Variants in MGA observed in about 807,000 individuals in gnomAD.
The protein encoded by MGA is MAX gene-associated protein.
Under a neutral mutation model 261.1 loss-of-function variants are expected in MGA, and 40 were observed. That is an observed-to-expected ratio of 0.15 (90% CI 0.12 to 0.20). The LOEUF is 0.20. MGA is among the 10% of genes least tolerant of loss of function. The pLI, the probability that MGA is intolerant of heterozygous loss-of-function variation, is 1.00. For missense variants in MGA, 3,397 were observed against 3,630.5 expected (o/e 0.94, Z 1.65); for synonymous variants, 1,302 against 1,290.6 (o/e 1.01, Z -0.19).
intron 17 of MGA, chr15:41,751,390 C>G: frequency 6.6e-6 from 1 of 152,086 alleles, no homozygotes; most frequent in East Asian, 1.9e-4. Context: ...GACTAATTGA[C>G]TGCTGTTGTA....
At chr15:41,720,700 G>A (rs549948033) in intron 9 of MGA, among the ~76,000 whole-genome samples, 1 of 152,104 alleles carries the variant, frequency 6.6e-6, no homozygotes, top group Non-Finnish European at 1.5e-5. Flanking sequence ...GGGCATGGTG[G>A]TGTGCGCCTG....
chr15:41,738,704 A>T (rs1376403729), intron 13 of MGA, among the ~76,000 whole-genome samples: 1 of 152,182 alleles, frequency 6.6e-6, no homozygotes, highest in East Asian at 1.9e-4. Flanking sequence ...AAACTTTGTA[A>T]ACTTTGGGGA....
At chr15:41,667,904 A>T (rs944536371) in intron 1 of MGA, among the ~76,000 whole-genome samples, 1 of 152,076 alleles carries the variant, frequency 6.6e-6, no homozygotes, top group South Asian at 2.1e-4. Flanking sequence ...CCTAGGATCA[A>T]GTGATTCTCA....
chr15:41,730,687 A>G (rs1476231788), intron 11 of MGA, among the ~76,000 whole-genome samples: 3 of 152,222 alleles, frequency 2.0e-5, no homozygotes, highest in African/African-American at 4.8e-5. Flanking sequence ...TGTGCACACA[A>G]TAAAGACAAA....
At chr15:41,641,114 C>T (rs1287538189) in intron 1 of MGA, among the ~76,000 whole-genome samples, 2 of 152,152 alleles carry the variant, frequency 1.3e-5, no homozygotes, top group Non-Finnish European at 2.9e-5. Context: ...TGTGATCAGA[C>T]TCTTTAGCAT....
chr15:41,684,463 A>AT, intron 2 of MGA: 1 of 416,942 alleles, frequency 2.4e-6, no homozygotes, highest in Non-Finnish European at 4.7e-6. Flanking sequence ...TGTTTGTGAA[A>AT]TTTTTTCCCC....
At position 41,764,902 on chromosome 15, in the gene MGA, G is replaced by C. The variant is rs560440589; in HGVS notation, c.7761G>C (p.Leu2587Phe). ...TTCTTACAGAAAATACCTCACCCTT[G>C]AACACTCCACACACCTCTGCCAACC... Residue 2587 changes from leucine (L) to phenylalanine (F), a missense_variant, in exon 23 of 24, where the codon TTG (leucine) becomes TTC (phenylalanine). By Grantham distance (22) the Leu-to-Phe change is conservative. This residue lies in a region of MGA where 647 missense variants were observed against 642.4 expected (regional missense o/e 1.01). Transcript: ENST00000219905. The C allele has an allele frequency of 6.2e-7, 1 of 1,613,886 alleles. No individual in the cohort carries two copies. Among genetic ancestry groups the C allele is most frequent in the African/African-American group, 1.3e-5 (1 of 75,014 alleles).
intron 1 of MGA, among the ~76,000 whole-genome samples, chr15:41,646,328 A>C (rs2056931772): frequency 6.6e-6 from 1 of 151,504 alleles, no homozygotes; most frequent in African/African-American, 2.4e-5. Context: ...TTATTTTATT[A>C]ATATTTATTA....
rs753960013 is a variant in MGA at position 41,642,909 on chromosome 15, CT to C, written c.-68+21627del. Reference sequence around the variant, plus strand: ...ACAGGCGTGAGCCACCATGCCTGGCCTTTTTTTTTTTTTTTTCTTTTGAGAC... The same window carrying C: ...ACAGGCGTGAGCCACCATGCCTGGCCTTTTTTTTTTTTTTTCTTTTGAGAC... On this transcript the variant is annotated intron_variant, in intron 1 of 8. Transcript: ENST00000566718. Among the ~76,000 whole-genome samples, 435 of 130,266 alleles carry C rather than the reference CT, an allele frequency of 3.3e-3. 1 individual carries two copies. The highest frequency in any genetic ancestry group is 0.022 in the East Asian group (96 of 4,390). 85.5% of individuals were successfully genotyped at this position (130,266 alleles called of 152,430 possible).
chr15:41,684,624 TC>T (rs1474428310), intron 2 of MGA: 2 of 215,096 alleles, frequency 9.3e-6, no homozygotes, highest in African/African-American at 4.6e-5. Flanking sequence ...CTCAGAGGTT[TC>T]CCAGCTACTG....
intron 9 of MGA, among the ~76,000 whole-genome samples, 199 bp downstream of exon 9, chr15:41,713,695 T>C (rs2060492499): frequency 6.6e-6 from 1 of 152,238 alleles, no homozygotes; most frequent in Admixed American, 6.5e-5. Context: ...TGAATTGTTC[T>C]CTGAGAATTG....
chr15:41,713,203 C>A lies in MGA; in HGVS notation c.3137C>A (p.Pro1046His). Residue 1046 changes from proline to histidine, a missense_variant, in exon 9 of 24, where the codon CCC becomes CAC. By Grantham distance (77) the Pro-to-His change is moderately conservative (BLOSUM62 -2). Around this residue, in one of 9 missense-constraint regions of MGA, gnomAD observed 519 missense variants for 554.1 expected, o/e 0.94. Transcript: ENST00000219905. ...ACAATCATAAGGAAACGAGCCCCTC[C>A]CTGCAACAATGACTTCTGTCGACTG... is the stretch of plus-strand genomic sequence containing the variant. The A allele has an allele frequency of 6.2e-7, 1 of 1,613,978 alleles. No individual in the cohort carries two copies. Among genetic ancestry groups the A allele is most frequent in the East Asian group, 2.2e-5 (1 of 44,884 alleles).
chr15:41,723,421 C>CAT (rs1338240168), intron 9 of MGA, among the ~76,000 whole-genome samples: 1 of 152,024 alleles, frequency 6.6e-6, no homozygotes, highest in African/African-American at 2.4e-5. Context: ...TATTTATTTA[C>CAT]ATATATTTTT....
At chr15:41,628,426 G>A (rs777137754) in intron 1 of MGA, among the ~76,000 whole-genome samples, 4 of 151,810 alleles carry the variant, frequency 2.6e-5, no homozygotes, top group Admixed American at 6.6e-5. Flanking sequence ...GAGAGTGGTG[G>A]TGGTGGGTTT....
chr15:41,748,781 G>A lies in MGA; in HGVS notation c.5357G>A (p.Arg1786Gln), dbSNP rs781312897. ...TCAAACACACAACTTCAGGGACATC[G>A]GATGGTCTTGCAGCCTGTTAGGAGT... Residue 1786 changes from arginine to glutamine, a missense_variant, in exon 16 of 24, where the codon CGG becomes CAG. Arg to Gln is a conservative substitution (Grantham distance 43). This residue lies in a region of MGA where 1,410 missense variants were observed against 1,386.4 expected (regional missense o/e 1.02). Transcript: ENST00000219905. The A allele has an allele frequency of 3.1e-5, 50 of 1,613,800 alleles. No individual in the cohort carries two copies. The highest frequency in any genetic ancestry group is 4.0e-5 in the Non-Finnish European group (47 of 1,179,894).
chr15:41,697,748 G>A (rs530415349), intron 3 of MGA, among the ~76,000 whole-genome samples: 1 of 152,040 alleles, frequency 6.6e-6, no homozygotes, highest in South Asian at 2.1e-4. Flanking sequence ...GAGTACCATT[G>A]GAGAACCAAA....
rs762426530 is a variant in MGA, at chr15:41,710,917, T to C, written c.2652T>C (p.Tyr884=). ...CTACTATTTCCCCTTCTACCTCTTATTCTTTGAAACCTCATTCTGTACCCC... is the reference window on the plus strand; with the variant it reads ...CTACTATTTCCCCTTCTACCTCTTACTCTTTGAAACCTCATTCTGTACCCC... Residue 884 remains tyrosine, a synonymous_variant, in exon 8 of 24, where the codon TAT becomes TAC. Coordinates refer to ENST00000219905, the MANE Select transcript of MGA (RefSeq NM_001164273.2). The C allele has an allele frequency of 5.6e-6, 9 of 1,613,872 alleles. No homozygotes were observed. Among genetic ancestry groups the C allele is most frequent in the East Asian group, 2.2e-5 (1 of 44,904 alleles).
At chr15:41,690,947 A>AG (rs1216955283) in intron 2 of MGA, among the ~76,000 whole-genome samples, 3 of 151,142 alleles carry the variant, frequency 2.0e-5, no homozygotes, top group Non-Finnish European at 4.4e-5. Context: ...GAAACCTGGA[A>AG]GTGTGAGTCC....
At chr15:41,630,410 G>A (rs2056563384) in intron 1 of MGA, among the ~76,000 whole-genome samples, 1 of 152,204 alleles carries the variant, frequency 6.6e-6, no homozygotes, top group Non-Finnish European at 1.5e-5. Flanking sequence ...TGCTTGGCAT[G>A]TGGTAGATGC....
Sources: gnomAD v4.1 joint callset for allele counts (sites outside exome capture counted in the v4.1 genomes callset) on GRCh38, gnomAD v4.1.1 for gene constraint, gnomAD v4.1.1 regional missense constraint, MANE v1.5 for transcripts, NCBI Gene and HGNC (gene_info 2026-07-23, HGNC 2026-07-21) for gene names.